Variants in SLC27A6 observed in about 807,000 individuals in gnomAD.
SLC27A6 encodes the protein solute carrier family 27 member 6, also known as long-chain fatty acid transport protein 6.
A neutral mutation model predicts 63.9 loss-of-function variants in SLC27A6; 74 were observed. The observed-to-expected ratio is 1.16, with a 90% CI of 0.96 to 1.40. The LOEUF (loss-of-function observed/expected upper bound fraction) is 1.40. Ranked by LOEUF, SLC27A6 falls within the 40% of genes most tolerant of loss-of-function variation. The pLI, the probability that SLC27A6 is intolerant of heterozygous loss-of-function variation, is 0.00. For missense variants in SLC27A6, 794 were observed against 732.9 expected (o/e 1.08, Z -0.96); for synonymous variants, 287 against 260.8 (o/e 1.10, Z -0.97).
chr5:128,990,311 C>T, intron 3 of SLC27A6, 29 bp from the exon 4 acceptor site: 1 of 1,603,724 alleles, frequency 6.2e-7, no homozygotes, highest in Non-Finnish European at 8.5e-7. Flanking sequence ...ATTTTTTTCC[C>T]TAGTGCCTGT....
At chr5:128,973,200 G>A (rs1750251313) in intron 1 of SLC27A6, among the ~76,000 whole-genome samples, 1 of 152,150 alleles carries the variant, frequency 6.6e-6, no homozygotes, top group Non-Finnish European at 1.5e-5. Context: ...ACTGGGAGAT[G>A]TCTCCCAGTT....
chr5:129,001,071 T>A (rs1751317504), intron 4 of SLC27A6, among the ~76,000 whole-genome samples: 1 of 152,220 alleles, frequency 6.6e-6, no homozygotes, highest in Non-Finnish European at 1.5e-5. Context: ...GTTAAACTGA[T>A]GGCTGTCATC....
At position 128,966,264 on chromosome 5, in the gene SLC27A6, C is replaced by T. The variant is rs78557369; in HGVS notation, c.127C>T (p.Arg43Trp). 3 of 1,613,650 alleles carry T rather than the reference C, an allele frequency of 1.9e-6. No homozygotes were observed. The highest frequency in any genetic ancestry group is 1.7e-6 in the Non-Finnish European group (2 of 1,179,828). The change falls in exon 1 of 10, where the codon CGG (arginine) becomes TGG (tryptophan). Residue 43 changes from arginine to tryptophan, a missense_variant. Arg to Trp is a moderately radical substitution (Grantham distance 101, BLOSUM62 -3). Coordinates refer to ENST00000262462, the MANE Select transcript of SLC27A6 (RefSeq NM_001017372.3). ...GTTGAAGGTGGTGCTCATTATAATT[C>T]GGCTGAAGAAGTATGAAAAGAGAGG... ...FVLKVVLIII[R>W]LKKYEKRGEL...
chr5:128,972,248 G>A (rs933510819), intron 1 of SLC27A6, among the ~76,000 whole-genome samples: 3 of 152,120 alleles, frequency 2.0e-5, no homozygotes, highest in East Asian at 1.9e-4. Context: ...TCTTGGGGTT[G>A]CTCTTCTTGT....
intron 1 of SLC27A6, among the ~76,000 whole-genome samples, chr5:128,980,588 A>G (rs1483332712): frequency 8.5e-5 from 13 of 152,232 alleles, no homozygotes; most frequent in Admixed American, 8.5e-4. Flanking sequence ...CTTAGAAACC[A>G]GAGCTACCCG....
chr5:129,011,290 T>G (rs1410559274), intron 4 of SLC27A6, among the ~76,000 whole-genome samples: 1 of 152,230 alleles, frequency 6.6e-6, no homozygotes, highest in Admixed American at 6.5e-5. Flanking sequence ...TTCCATGTCC[T>G]TGCCAACACT....
At chr5:128,991,309 C>G (rs985108386) in intron 4 of SLC27A6, among the ~76,000 whole-genome samples, 1 of 152,146 alleles carries the variant, frequency 6.6e-6, no homozygotes, top group African/African-American at 2.4e-5. Context: ...AATTCTTAGT[C>G]GGCCTAGGAA....
rs537474803 is a variant in SLC27A6, at chr5:128,967,954, C to T, written c.481+1336C>T. On this transcript the variant is annotated intron_variant, in intron 1 of 9. Transcript: ENST00000262462. ...AGGCCCTGGTGTGTGATGTTCCCCACCCTGTGTCCAAGTATTCTCATTTTT... is the reference window on the plus strand; with the variant it reads ...AGGCCCTGGTGTGTGATGTTCCCCATCCTGTGTCCAAGTATTCTCATTTTT... 5.9e-5 allele frequency among the ~76,000 whole-genome samples: 9 copies of T among 152,006 alleles called. No individual in the cohort carries two copies. The South Asian group carries it at 1.5e-3, about 25-fold the overall frequency.
intron 4 of SLC27A6, among the ~76,000 whole-genome samples, chr5:128,993,145 C>A (rs1217125626): frequency 6.6e-6 from 1 of 151,946 alleles, no homozygotes; most frequent in African/African-American, 2.4e-5. Context: ...GATTTAGAAG[C>A]TCATGCACAT....
intron 4 of SLC27A6, among the ~76,000 whole-genome samples, chr5:129,005,426 G>T (rs1467796436): frequency 6.6e-6 from 1 of 152,082 alleles, no homozygotes; most frequent in Non-Finnish European, 1.5e-5. Flanking sequence ...ATACTAAGAA[G>T]TTTTTGCTAT....
chr5:128,987,838 TAAGG>T (rs1206624971), intron 2 of SLC27A6, among the ~76,000 whole-genome samples: 1 of 151,442 alleles, frequency 6.6e-6, no homozygotes, highest in African/African-American at 2.4e-5. Context: ...AGAACAGAAA[TAAGG>T]AAGGAAAGAG....
intron 9 of SLC27A6, among the ~76,000 whole-genome samples, chr5:129,029,941 G>T (rs911979744): frequency 1.3e-5 from 2 of 151,964 alleles, no homozygotes; most frequent in African/African-American, 4.8e-5. Context: ...TTCCTCTTCA[G>T]TCAGGACCTC....
At chr5:128,980,920 G>A (rs1750563538) in intron 1 of SLC27A6, among the ~76,000 whole-genome samples, 1 of 152,042 alleles carries the variant, frequency 6.6e-6, no homozygotes, top group South Asian at 2.1e-4. Context: ...ATATTAGAGG[G>A]ATACATAAAA....
chr5:128,966,640 G>C, intron 1 of SLC27A6, 22 bp downstream of exon 1: 1 of 1,466,536 alleles, frequency 6.8e-7, no homozygotes, highest in Middle Eastern at 1.8e-4. Flanking sequence ...GGTGTGGTCT[G>C]CCTATACAGA....
At chr5:129,012,936 AT>A in intron 4 of SLC27A6, among the ~76,000 whole-genome samples, 1 of 151,632 alleles carries the variant, frequency 6.6e-6, no homozygotes, top group East Asian at 1.9e-4. Flanking sequence ...TTTACATTTT[AT>A]GTACTTATGA....
intron 4 of SLC27A6, among the ~76,000 whole-genome samples, chr5:129,009,787 G>C (rs1207341079): frequency 1.3e-5 from 2 of 151,956 alleles, no homozygotes; most frequent in Non-Finnish European, 2.9e-5. Flanking sequence ...CAATTCTCCT[G>C]CCTCAGCCTC....
intron 2 of SLC27A6, among the ~76,000 whole-genome samples, chr5:128,987,564 A>G (rs1750831810): frequency 1.3e-5 from 2 of 152,190 alleles, no homozygotes; most frequent in African/African-American, 4.8e-5. Context: ...AAAAATTATT[A>G]TTGTTAATAT....
chr5:129,026,821 T>C (rs188353016), intron 6 of SLC27A6, among the ~76,000 whole-genome samples: 2 of 152,270 alleles, frequency 1.3e-5, no homozygotes, highest in East Asian at 3.9e-4. Flanking sequence ...TGGTAACATC[T>C]ACATAATCCA....
At chr5:129,026,001 T>C (rs1322460300) in intron 6 of SLC27A6, among the ~76,000 whole-genome samples, 6 of 152,080 alleles carry the variant, frequency 3.9e-5, no homozygotes, top group Admixed American at 3.9e-4. Flanking sequence ...CTGGGCCTAG[T>C]GGCATGCATC....
Sources: allele counts gnomAD v4.1 joint callset (sites outside exome capture counted in the v4.1 genomes callset), GRCh38; gene constraint gnomAD v4.1.1; transcripts MANE v1.5; gene names NCBI Gene and HGNC (gene_info 2026-07-23, HGNC 2026-07-21).